The following STX18 variants were observed in gnomAD, a reference collection of about 807,000 sequenced individuals.
The protein encoded by STX18 is syntaxin 18.
STX18 carries 40 observed loss-of-function variants against 50.1 expected under a neutral mutation model. The observed-to-expected ratio is 0.80, with a 90% CI of 0.62 to 1.04. The LOEUF is 1.04. STX18 is among the 50% of genes least tolerant of loss of function. The pLI, the probability that STX18 is intolerant of heterozygous loss-of-function variation, is 0.00. For synonymous variants in STX18, 158 were observed against 151.8 expected (o/e 1.04, Z -0.30); for missense variants, 410 against 415.8 (o/e 0.99, Z 0.12).
At chr4:4,468,326 G>A (rs1226955654) in intron 2 of STX18, among the ~76,000 whole-genome samples, 1 of 152,098 alleles carries the variant, frequency 6.6e-6, no homozygotes, top group African/African-American at 2.4e-5. Context: ...GTGCTTACCT[G>A]GAAGTTGCAG....
At chr4:4,530,903 G>T (rs116535210) in intron 1 of STX18, among the ~76,000 whole-genome samples, 5 of 152,086 alleles carry the variant, frequency 3.3e-5, no homozygotes, top group African/African-American at 1.2e-4. Flanking sequence ...CACCATACCC[G>T]GTCAAACTTT....
intron 6 of STX18, chr4:4,437,457 A>G (rs1161834611): frequency 4.8e-6 from 1 of 209,926 alleles, no homozygotes; most frequent in Non-Finnish European, 8.3e-6. Context: ...AGCTTTCCAG[A>G]TTTTAGTTTT....
intron 5 of STX18, among the ~76,000 whole-genome samples, chr4:4,455,734 TC>T (rs1727027692): frequency 6.6e-6 from 1 of 152,158 alleles, no homozygotes; most frequent in South Asian, 2.1e-4. Context: ...CTAATGAGCT[TC>T]CCTGGTAGAC....
chr4:4,536,100 G>C lies in STX18; in HGVS notation c.168+5697C>G, dbSNP rs558827245. Among the ~76,000 whole-genome samples, 3 of 152,306 alleles carry C rather than the reference G, an allele frequency of 2.0e-5. No homozygotes were observed. In the South Asian group the frequency reaches 6.2e-4, roughly 32 times the overall value. On this transcript the variant is annotated intron_variant, in intron 1 of 10. Transcript: ENST00000306200. Reference sequence around the variant, plus strand: ...GTGTTGAGGGAGGAACGGAATCTTAGTAATAAAAGCTACTATTTACTGAAT... The same window carrying C: ...GTGTTGAGGGAGGAACGGAATCTTACTAATAAAAGCTACTATTTACTGAAT...
chr4:4,489,390 AATTTTTT>A (rs1728839287), intron 1 of STX18, among the ~76,000 whole-genome samples: 6 of 105,682 alleles, frequency 5.7e-5, no homozygotes, highest in African/African-American at 1.9e-4. Flanking sequence ...CATGCAAAAT[AATTTTTT>A]TTTTTTTTTT....
chr4:4,542,061 C>T, upstream of STX18: 1 of 1,313,058 alleles, frequency 7.6e-7, no homozygotes, highest in Non-Finnish European at 9.9e-7. Flanking sequence ...TCCTGCCCCA[C>T]ACGCCTCCCC....
At chr4:4,503,202 C>T (rs754918561) in intron 1 of STX18, among the ~76,000 whole-genome samples, 18 of 152,152 alleles carry the variant, frequency 1.2e-4, no homozygotes, top group Admixed American at 2.6e-4. Context: ...TTCTTATCTC[C>T]TTGTTTATGT....
chr4:4,541,519 G>A (rs1438941282), intron 1 of STX18, among the ~76,000 whole-genome samples: 2 of 152,168 alleles, frequency 1.3e-5, no homozygotes, highest in Admixed American at 6.5e-5. Flanking sequence ...AGCCGCCCAT[G>A]CACTTTCCAG....
At chr4:4,541,105 A>C (rs774174555) in intron 1 of STX18, among the ~76,000 whole-genome samples, 6 of 152,186 alleles carry the variant, frequency 3.9e-5, no homozygotes, top group Non-Finnish European at 7.3e-5. Context: ...TTGTTCATTC[A>C]CTCATTCAAC....
At chr4:4,450,241 A>T (rs911123621) in intron 5 of STX18, among the ~76,000 whole-genome samples, 1 of 152,156 alleles carries the variant, frequency 6.6e-6, no homozygotes, top group Non-Finnish European at 1.5e-5. Flanking sequence ...AATTCGTGCC[A>T]ATCTTTCATT....
In STX18 at chr4:4,419,882, TGGGGAA is replaced by T; in HGVS notation, c.*146_*151del. On this transcript the variant is annotated 3_prime_UTR_variant, in exon 11 of 11. Transcript: ENST00000306200. ...ACCATCGGCCTGGGGTATCCCTTTT[TGGGGAA>T]TACGTCTGTCTGTCTGAACTCCTTT... The T allele has an allele frequency of 1.5e-6, 1 of 665,864 alleles. No homozygotes were observed. Among genetic ancestry groups the T allele is most frequent in the South Asian group, 1.9e-5 (1 of 52,798 alleles). The allele number at this position is 665,864 out of a possible 1,614,324, so 41.2% of individuals were successfully genotyped here. A position where few individuals can be genotyped will look rare whatever the true frequency, so the allele number is the denominator to read the frequency against.
At chr4:4,456,823 T>G (rs189340511) in intron 5 of STX18, among the ~76,000 whole-genome samples, 1 of 152,290 alleles carries the variant, frequency 6.6e-6, no homozygotes, top group African/African-American at 2.4e-5. Flanking sequence ...TGTGCCAGCC[T>G]CATCGGGTTA....
At chr4:4,446,298 A>T (rs539455090) in intron 5 of STX18, among the ~76,000 whole-genome samples, 1 of 152,210 alleles carries the variant, frequency 6.6e-6, no homozygotes, top group Non-Finnish European at 1.5e-5. Flanking sequence ...CTTGGGGTAG[A>T]CAAAGTAAAA....
intron 2 of STX18, among the ~76,000 whole-genome samples, chr4:4,469,773 C>T (rs551722754): frequency 2.0e-5 from 3 of 152,184 alleles, no homozygotes; most frequent in Admixed American, 6.5e-5. Flanking sequence ...TTAGTTTATA[C>T]ACAAGTAGGA....
At chr4:4,456,441 G>A (rs1727077235) in intron 5 of STX18, among the ~76,000 whole-genome samples, 1 of 152,210 alleles carries the variant, frequency 6.6e-6, no homozygotes, top group Non-Finnish European at 1.5e-5. Flanking sequence ...GGGAACGACT[G>A]TGAGGACACA....
intron 1 of STX18, among the ~76,000 whole-genome samples, chr4:4,486,255 G>T (rs763801766): frequency 1.3e-5 from 2 of 152,170 alleles, no homozygotes; most frequent in Non-Finnish European, 2.9e-5. Flanking sequence ...ATCATTCTAA[G>T]GCTCCAGGTA....
At chr4:4,505,009 T>C (rs957538981) in intron 1 of STX18, among the ~76,000 whole-genome samples, 4 of 152,190 alleles carry the variant, frequency 2.6e-5, no homozygotes, top group Admixed American at 2.6e-4. Context: ...TGCAATCATA[T>C]TTCCACAATC....
intron 1 of STX18, among the ~76,000 whole-genome samples, chr4:4,479,299 A>C (rs1728347216): frequency 6.6e-6 from 1 of 152,184 alleles, no homozygotes; most frequent in Admixed American, 6.5e-5. Context: ...ATAAATACAA[A>C]AATAAATTTT....
rs142006819 is a variant in STX18 at position 4,486,021 on chromosome 4, G to A, written c.169-14315C>T. Among the ~76,000 whole-genome samples the A allele has an allele frequency of 5.3e-5, 8 of 152,300 alleles. No homozygotes were observed. In the East Asian group the frequency reaches 1.3e-3, roughly 26 times the overall value. On this transcript the variant is annotated intron_variant, in intron 1 of 10. Coordinates refer to ENST00000306200, the MANE Select transcript of STX18 (RefSeq NM_016930.4). ...CACGCAGGCAGAGGGCGGGGACAGC[G>A]CCTCCAGGCACATGGTAACTCCCAG... is the stretch of plus-strand genomic sequence containing the variant.
Sources: gnomAD v4.1 joint callset for allele counts (sites outside exome capture counted in the v4.1 genomes callset) on GRCh38, gnomAD v4.1.1 for gene constraint, MANE v1.5 for transcripts, NCBI Gene and HGNC (gene_info 2026-07-23, HGNC 2026-07-21) for gene names.